The following ESF1 variants were observed in gnomAD, a reference collection of about 807,000 sequenced individuals.
ESF1 encodes the protein ESF1 homolog.
In ESF1, 58 loss-of-function variants were observed where a neutral mutation model predicts 92.0. The ratio of observed to expected loss-of-function variants is 0.63; its 90% CI spans 0.51 to 0.78. The LOEUF (loss-of-function observed/expected upper bound fraction) is 0.78, where lower values mean the gene tolerates loss of function less well. ESF1 is among the 30% of genes least tolerant of loss of function. The probability of loss-of-function intolerance (pLI) is 0.00; values close to 1 mark genes in which losing one functional copy is unlikely to be tolerated. For missense variants in ESF1, 922 were observed against 989.1 expected (o/e 0.93, Z 0.91); for synonymous variants, 321 against 313.7 (o/e 1.02, Z -0.24).
chr20:13,728,418 A>G lies in ESF1; in HGVS notation c.1998T>C (p.Asp666=), dbSNP rs756149804. The change falls in exon 11 of 14, where the codon GAT becomes GAC. Residue 666 remains aspartate (D), a synonymous_variant. Coordinates refer to ENST00000617257, the MANE Select transcript of ESF1 (RefSeq NM_001276380.2). ...CTTCAGCAAAGTATGGGTCATTCAA[A>G]TCAACATCAGAGGGAAGTTCCTCTT... The part of the protein sequence containing the change: ...ASEEELPSDV[D]LNDPYFAEEV... 8.7e-6 allele frequency: 14 copies of G among 1,613,212 alleles called. No individual in the cohort carries two copies. The South Asian group carries it at 1.2e-4, about 14-fold the overall frequency.
At chr20:13,756,852 GA>G in intron 9 of ESF1, among the ~76,000 whole-genome samples, 1 of 152,264 alleles carries the variant, frequency 6.6e-6, no homozygotes, top group Non-Finnish European at 1.5e-5. Context: ...TGGGAGAGAT[GA>G]AAAACACACC....
intron 1 of ESF1, among the ~76,000 whole-genome samples, chr20:13,784,404 AT>A (rs1393328722): frequency 2.6e-5 from 4 of 152,160 alleles, no homozygotes; most frequent in Non-Finnish European, 5.9e-5. Context: ...TTTTCGATGT[AT>A]TACAGCACTT....
intron 11 of ESF1, among the ~76,000 whole-genome samples, chr20:13,725,017 G>C (rs1164356329): frequency 6.6e-6 from 1 of 151,912 alleles, no homozygotes; most frequent in African/African-American, 2.4e-5. Context: ...AAATTTATAC[G>C]CCCCATCTTT....
At chr20:13,724,620 C>G (rs1347793954) in intron 11 of ESF1, among the ~76,000 whole-genome samples, 1 of 152,190 alleles carries the variant, frequency 6.6e-6, no homozygotes, top group African/African-American at 2.4e-5. Context: ...TGAGTAAAAA[C>G]TTCTCATTAA....
At chr20:13,745,313 A>C (rs2050041046) in intron 9 of ESF1, among the ~76,000 whole-genome samples, 1 of 152,260 alleles carries the variant, frequency 6.6e-6, no homozygotes, top group African/African-American at 2.4e-5. Flanking sequence ...GTTTCATAAC[A>C]GAAATAAAGT....
intron 2 of ESF1, among the ~76,000 whole-genome samples, chr20:13,780,043 T>A (rs1188857405): frequency 6.6e-6 from 1 of 152,202 alleles, no homozygotes; most frequent in Non-Finnish European, 1.5e-5. Context: ...AACTGATGAA[T>A]GGATAATGAA....
intron 1 of ESF1, among the ~76,000 whole-genome samples, chr20:13,783,973 A>T (rs1305047954): frequency 6.6e-6 from 1 of 152,230 alleles, no homozygotes; most frequent in African/African-American, 2.4e-5. Flanking sequence ...ACCAAAATCA[A>T]CTCAGGTTTA....
At chr20:13,741,122 T>C (rs2050010801) in intron 9 of ESF1, among the ~76,000 whole-genome samples, 1 of 152,144 alleles carries the variant, frequency 6.6e-6, no homozygotes, top group African/African-American at 2.4e-5. Flanking sequence ...TAATATCCCA[T>C]GTTCTCATCC....
intron 8 of ESF1, among the ~76,000 whole-genome samples, chr20:13,764,927 A>C (rs1433976537): frequency 6.6e-6 from 1 of 151,908 alleles, no homozygotes; most frequent in Non-Finnish European, 1.5e-5. Flanking sequence ...TAAAAAAAAA[A>C]AAACAAAAAC....
In ESF1 at chr20:13,782,944, T is replaced by C. The variant is rs201734940; in HGVS notation, c.197A>G (p.Glu66Gly). The C allele has an allele frequency of 6.6e-5, 106 of 1,614,076 alleles. No individual in the cohort carries two copies. Among genetic ancestry groups the C allele is most frequent in the Admixed American group, 2.0e-4 (12 of 60,004 alleles). Residue 66 changes from glutamate to glycine, a missense_variant, in exon 2 of 14, where the codon GAG becomes GGG. Transcript: ENST00000617257. ...AAGGTCGTAAAAACGCTTCAAATCC[T>C]CTGTAGTGCTATGGCTAATGGGGCG... The part of the protein sequence containing the change: ...RGRPISHSTT[E>G]DLKRFYDLSD...
intron 6 of ESF1, 116 bp from the exon 7 acceptor site, chr20:13,770,137 T>G: frequency 1.6e-6 from 1 of 606,354 alleles, no homozygotes. Flanking sequence ...AAGACACACG[T>G]TTAAGAGACA....
chr20:13,755,976 A>G (rs546048292), intron 9 of ESF1, among the ~76,000 whole-genome samples: 16 of 152,328 alleles, frequency 1.1e-4, no homozygotes, highest in Non-Finnish European at 2.1e-4. Context: ...CACAGAACCA[A>G]TGAATGATAC....
chr20:13,749,232 ATTTTTTTTTTTTTTT>A (rs71188184), intron 9 of ESF1, among the ~76,000 whole-genome samples: 1 of 89,664 alleles, frequency 1.1e-5, no homozygotes, highest in South Asian at 5.3e-4. Context: ...TGCCCGGCTA[ATTTTTTTTTTTTTTT>A]TTTTTTTTTT....
At chr20:13,741,165 C>G (rs909782556) in intron 9 of ESF1, among the ~76,000 whole-genome samples, 8 of 152,124 alleles carry the variant, frequency 5.3e-5, no homozygotes, top group Admixed American at 4.6e-4. Flanking sequence ...TTCTTCTGCC[C>G]CATTCCCTGC....
chr20:13,773,077 T>C (rs536058656), intron 4 of ESF1, among the ~76,000 whole-genome samples: 11 of 152,192 alleles, frequency 7.2e-5, no homozygotes, highest in Admixed American at 3.3e-4. Flanking sequence ...TTTAAAGAAA[T>C]AGAACAGAAC....
At chr20:13,767,996 TGATACAGCC>T (rs1979505567) in intron 7 of ESF1, among the ~76,000 whole-genome samples, 1 of 152,204 alleles carries the variant, frequency 6.6e-6, no homozygotes, top group Non-Finnish European at 1.5e-5. Context: ...CAGATGTTGA[TGATACAGCC>T]AGGACCCAGG....
At position 13,715,127 on chromosome 20, in the gene ESF1, G is replaced by C. The variant is rs2049815365; in HGVS notation, c.2303C>G (p.Ser768Cys). The C allele has an allele frequency of 3.7e-6, 6 of 1,611,522 alleles. 1 individual carries two copies. The South Asian group carries it at 4.4e-5, about 12-fold the overall frequency. The change falls in exon 14 of 14, where the codon TCC (serine) becomes TGC (cysteine). Residue 768 changes from serine to cysteine, a missense_variant. Transcript: ENST00000617257. ...TGAGGGGTCCAAATTGAACAAGTGG[G>C]AAGTGTACATTGCCTGAAACCGTGC... ...NDARFQAMYT[S>C]HLFNLDPSDP...
chr20:13,761,709 A>G (rs1355012479), intron 8 of ESF1, among the ~76,000 whole-genome samples: 3 of 152,232 alleles, frequency 2.0e-5, no homozygotes, highest in Non-Finnish European at 4.4e-5. Context: ...GTGTGGAAAA[A>G]CATTCACATC....
At chr20:13,720,629 G>C (rs2049861516) in intron 11 of ESF1, among the ~76,000 whole-genome samples, 1 of 152,136 alleles carries the variant, frequency 6.6e-6, no homozygotes, top group Admixed American at 6.6e-5. Context: ...GTATCTTCTA[G>C]ACTATAGTGA....
Sources: allele counts gnomAD v4.1 joint callset (sites outside exome capture counted in the v4.1 genomes callset), GRCh38; gene constraint gnomAD v4.1.1; transcripts MANE v1.5; gene names NCBI Gene and HGNC (gene_info 2026-07-23, HGNC 2026-07-21).